The following AGBL4 variants were observed in gnomAD, a reference collection of about 807,000 sequenced individuals.
AGBL4 encodes the protein cytosolic carboxypeptidase 6.
In AGBL4, 58 loss-of-function variants were observed where a neutral mutation model predicts 66.4. The ratio of observed to expected loss-of-function variants is 0.87; its 90% CI spans 0.71 to 1.09. The LOEUF is 1.09. Among genes scored for constraint, AGBL4 ranks in the 50% least tolerant of loss-of-function variants. The probability of loss-of-function intolerance (pLI) is 0.00; values close to 1 mark genes in which losing one functional copy is unlikely to be tolerated. For synonymous variants in AGBL4, 234 were observed against 222.9 expected, an observed-to-expected ratio of 1.05 and a Z score of -0.44; for missense variants, 579 against 631.0, an observed-to-expected ratio of 0.92 and a Z score of 0.88.
chr1:48,792,890 T>G (rs1645585398), intron 6 of AGBL4, among the ~76,000 whole-genome samples: 1 of 152,178 alleles, frequency 6.6e-6, no homozygotes, highest in Non-Finnish European at 1.5e-5. Flanking sequence ...CTATTCAAAA[T>G]ATCCCAAATT....
At chr1:49,992,797 T>C (rs969943563) in intron 1 of AGBL4, among the ~76,000 whole-genome samples, 6 of 152,202 alleles carry the variant, frequency 3.9e-5, no homozygotes, top group African/African-American at 1.4e-4. Flanking sequence ...AGAACTAATG[T>C]GATCTTGAGG....
chr1:48,727,450 G>C (rs1647361247), intron 6 of AGBL4: 1 of 152,256 alleles, frequency 6.6e-6, no homozygotes, highest in South Asian at 2.1e-4. Context: ...GGGCATGCCA[G>C]GCGGCACAAC....
intron 6 of AGBL4, among the ~76,000 whole-genome samples, chr1:48,769,967 T>A (rs1424150526): frequency 1.3e-5 from 2 of 152,190 alleles, no homozygotes; most frequent in Non-Finnish European, 2.9e-5. Context: ...GATCTAGAAG[T>A]CATCTAACCA....
Position 49,744,503 on chromosome 1 carries a change from G to A in AGBL4, c.158-47066C>T, listed in dbSNP as rs1035535128. ...ATTTCTTTATAGCAATGCAACAATA[G>A]ACCAATACACTAGCAAATCAAACCT... On this transcript the variant is annotated intron_variant, in intron 2 of 13. Transcript: ENST00000371839. 1.3e-5 allele frequency among the ~76,000 whole-genome samples: 2 copies of A among 151,868 alleles called. 1 individual carries two copies. The highest frequency in any genetic ancestry group is 4.8e-5 in the African/African-American group (2 of 41,288).
At chr1:49,164,933 G>A (rs1646606612) in intron 4 of AGBL4, among the ~76,000 whole-genome samples, 1 of 152,074 alleles carries the variant, frequency 6.6e-6, no homozygotes, top group South Asian at 2.1e-4. Context: ...TCCCTGTTGG[G>A]TGGGGTTTAG....
intron 5 of AGBL4, among the ~76,000 whole-genome samples, chr1:48,990,753 G>A (rs1660541244): frequency 1.3e-5 from 2 of 151,896 alleles, no homozygotes; most frequent in South Asian, 4.2e-4. Flanking sequence ...TTGAATTTGA[G>A]GTTACCATGA....
intron 12 of AGBL4, among the ~76,000 whole-genome samples, chr1:48,538,539 T>G (rs1219331417): frequency 2.0e-5 from 3 of 152,176 alleles, no homozygotes; most frequent in African/African-American, 7.2e-5. Flanking sequence ...TAGACTTCAA[T>G]TCAGCTTTCA....
intron 6 of AGBL4, among the ~76,000 whole-genome samples, chr1:48,774,942 T>C (rs1013851301): frequency 6.6e-6 from 1 of 152,108 alleles, no homozygotes; most frequent in African/African-American, 2.4e-5. Context: ...GATCTAGGAG[T>C]ACAATACAAT....
At chr1:48,698,317 G>A (rs1646746871) in intron 6 of AGBL4, among the ~76,000 whole-genome samples, 1 of 152,220 alleles carries the variant, frequency 6.6e-6, no homozygotes, top group Non-Finnish European at 1.5e-5. Flanking sequence ...ACCAGAGCAT[G>A]GGCCTGGCAG....
Position 49,068,596 on chromosome 1 carries a change from T to C in AGBL4, c.378-22796A>G, listed in dbSNP as rs950826755. ...TATGGCTGCATAGTATTCCATGGTG[T>C]ATATGTGCCACATTTTCTTTATCCA... On this transcript the variant is annotated intron_variant, in intron 4 of 13. Transcript: ENST00000371839. 7.2e-5 allele frequency among the ~76,000 whole-genome samples: 11 copies of C among 152,336 alleles called. 1 individual carries two copies. In the South Asian group the frequency reaches 2.3e-3, roughly 32 times the overall value.
intron 6 of AGBL4, chr1:48,758,999 T>G: frequency 1.2e-6 from 2 of 1,613,972 alleles, no homozygotes; most frequent in South Asian, 2.2e-5. Flanking sequence ...TTGAGCTTCT[T>G]GGCCTGTTGT....
At chr1:48,845,045 T>C (rs982228593) in intron 6 of AGBL4, among the ~76,000 whole-genome samples, 7 of 152,184 alleles carry the variant, frequency 4.6e-5, no homozygotes, top group African/African-American at 1.7e-4. Flanking sequence ...TCTGGACAGC[T>C]AGTATGTTTT....
At chr1:49,947,034 T>A (rs1655272323) in intron 1 of AGBL4, among the ~76,000 whole-genome samples, 1 of 151,024 alleles carries the variant, frequency 6.6e-6, no homozygotes, top group Non-Finnish European at 1.5e-5. Flanking sequence ...AACAGACCAA[T>A]AACAAGCAGA....
chr1:48,972,669 G>A (rs1659005206), intron 5 of AGBL4, among the ~76,000 whole-genome samples: 1 of 152,146 alleles, frequency 6.6e-6, no homozygotes, highest in Non-Finnish European at 1.5e-5. Context: ...TAGCCTATGG[G>A]TCAGGGCTCA....
intron 5 of AGBL4, among the ~76,000 whole-genome samples, chr1:48,947,136 C>CT (rs1440043430): frequency 6.6e-6 from 1 of 152,242 alleles, no homozygotes; most frequent in Non-Finnish European, 1.5e-5. Flanking sequence ...AACCCTTATT[C>CT]TTTGAGTCCA....
chr1:49,953,210 A>AT (rs1016971016), intron 1 of AGBL4, among the ~76,000 whole-genome samples: 2 of 151,974 alleles, frequency 1.3e-5, no homozygotes, highest in African/African-American at 4.8e-5. Flanking sequence ...TAAAGTACAT[A>AT]TTCCCATATG....
At chr1:48,871,476 G>C (rs1224201324) in intron 5 of AGBL4, among the ~76,000 whole-genome samples, 1 of 152,026 alleles carries the variant, frequency 6.6e-6, no homozygotes, top group African/African-American at 2.4e-5. Context: ...ATGCATCCAA[G>C]TGTGCCTGTG....
At chr1:49,904,296 A>C (rs1471718144) in intron 1 of AGBL4, among the ~76,000 whole-genome samples, 1 of 152,176 alleles carries the variant, frequency 6.6e-6, no homozygotes, top group Non-Finnish European at 1.5e-5. Flanking sequence ...ATAGGTGATG[A>C]AGCTGAGGCT....
At chr1:49,619,137 A>G (rs967806867) in intron 3 of AGBL4, among the ~76,000 whole-genome samples, 1 of 152,178 alleles carries the variant, frequency 6.6e-6, no homozygotes, top group Non-Finnish European at 1.5e-5. Context: ...GGCAAGAGAA[A>G]GAAATAAAGG....
Sources: gnomAD v4.1 joint callset for allele counts (sites outside exome capture counted in the v4.1 genomes callset) on GRCh38, gnomAD v4.1.1 for gene constraint, MANE v1.5 for transcripts, NCBI Gene and HGNC (gene_info 2026-07-23, HGNC 2026-07-21) for gene names.